Variants in CNTN4 observed in about 807,000 individuals in gnomAD.
CNTN4 encodes the protein contactin 4, also known as contactin-4.
Under a neutral mutation model 122.5 loss-of-function variants are expected in CNTN4, and 77 were observed. The ratio of observed to expected loss-of-function variants is 0.63; its 90% CI spans 0.52 to 0.76. The LOEUF (loss-of-function observed/expected upper bound fraction) is 0.76. Among genes scored for constraint, CNTN4 ranks in the 30% least tolerant of loss-of-function variants. CNTN4 has a pLI of 0.00. For synonymous variants in CNTN4, 512 were observed against 447.0 expected, an observed-to-expected ratio of 1.15 and a Z score of -1.83; for missense variants, 1,256 against 1,259.1, an observed-to-expected ratio of 1.00 and a Z score of 0.04.
intron 2 of CNTN4, among the ~76,000 whole-genome samples, chr3:2,206,420 AATCAAT>A (rs1242574163): frequency 6.6e-6 from 1 of 152,090 alleles, no homozygotes; most frequent in Non-Finnish European, 1.5e-5. Context: ...TAAAACCTAA[AATCAAT>A]ATACATTTGT....
At chr3:2,323,616 A>G (rs377327517) in intron 2 of CNTN4, among the ~76,000 whole-genome samples, 26 of 152,190 alleles carry the variant, frequency 1.7e-4, no homozygotes, top group African/African-American at 5.5e-4. Context: ...AACTAAACAA[A>G]TATCCACCAT....
At chr3:2,757,919 G>A (rs763073595) in intron 6 of CNTN4, among the ~76,000 whole-genome samples, 1 of 152,056 alleles carries the variant, frequency 6.6e-6, no homozygotes, top group Non-Finnish European at 1.5e-5. Flanking sequence ...TGTATTTAGG[G>A]TACACACTAA....
chr3:2,950,285 G>A (rs927481165), intron 13 of CNTN4, among the ~76,000 whole-genome samples: 2 of 151,988 alleles, frequency 1.3e-5, no homozygotes, highest in Admixed American at 1.3e-4. Context: ...GGCTGCCTTT[G>A]TGCAAACTCA....
chr3:2,540,676 A>G (rs1423058492), intron 3 of CNTN4, among the ~76,000 whole-genome samples: 1 of 152,130 alleles, frequency 6.6e-6, no homozygotes, highest in Non-Finnish European at 1.5e-5. Flanking sequence ...CATAAACATA[A>G]TCTTTAAGTA....
At chr3:2,682,491 T>C (rs2085214189) in intron 4 of CNTN4, among the ~76,000 whole-genome samples, 1 of 152,176 alleles carries the variant, frequency 6.6e-6, no homozygotes, top group Admixed American at 6.6e-5. Context: ...TATGGATTCT[T>C]TCTAAGGTAA....
intron 4 of CNTN4, among the ~76,000 whole-genome samples, chr3:2,708,543 T>C (rs1392198099): frequency 2.0e-5 from 3 of 152,132 alleles, no homozygotes; most frequent in African/African-American, 7.2e-5. Context: ...GTGACAAAAC[T>C]GTGAAGTTTT....
At chr3:2,520,211 A>AGTCATGAT (rs2077158816) in intron 3 of CNTN4, among the ~76,000 whole-genome samples, 1 of 148,698 alleles carries the variant, frequency 6.7e-6, no homozygotes, top group Non-Finnish European at 1.5e-5. Context: ...TAAAGTTGCC[A>AGTCATGAT]GTCATGATTT....
chr3:2,334,047 T>C (rs531667888), intron 2 of CNTN4, among the ~76,000 whole-genome samples: 30 of 152,220 alleles, frequency 2.0e-4, no homozygotes, highest in Middle Eastern at 3.2e-3. Flanking sequence ...AGTTGTTAAA[T>C]GGTAACTCTT....
At chr3:3,007,390 C>T (rs371487102) in intron 14 of CNTN4, among the ~76,000 whole-genome samples, 43 of 152,262 alleles carry the variant, frequency 2.8e-4, no homozygotes, top group African/African-American at 9.9e-4. Flanking sequence ...TGTAAGATTA[C>T]CATCATTTCT....
chr3:2,288,243 T>C (rs1177266467), intron 2 of CNTN4, among the ~76,000 whole-genome samples: 1 of 152,198 alleles, frequency 6.6e-6, no homozygotes, highest in Non-Finnish European at 1.5e-5. Context: ...CTGCAGGTTG[T>C]ACAAGAATTA....
chr3:2,618,069 T>G (rs2081842674), intron 4 of CNTN4, among the ~76,000 whole-genome samples: 2 of 152,108 alleles, frequency 1.3e-5, no homozygotes, highest in African/African-American at 2.4e-5. Context: ...CTTAGGACAG[T>G]GCCTTAAACA....
chr3:2,827,048 G>A (rs1380396139), intron 7 of CNTN4, among the ~76,000 whole-genome samples: 4 of 152,096 alleles, frequency 2.6e-5, no homozygotes, highest in African/African-American at 9.7e-5. Flanking sequence ...TATTGCTTAA[G>A]TCTAGGAAGT....
chr3:2,829,452 T>A (rs2093055603), intron 7 of CNTN4, among the ~76,000 whole-genome samples: 1 of 152,046 alleles, frequency 6.6e-6, no homozygotes, highest in Non-Finnish European at 1.5e-5. Flanking sequence ...ATCATTTAGC[T>A]CAAAGAAAGA....
intron 8 of CNTN4, among the ~76,000 whole-genome samples, chr3:2,879,184 A>G (rs2093879297): frequency 6.6e-6 from 1 of 152,158 alleles, no homozygotes; most frequent in African/African-American, 2.4e-5. Context: ...TAAGAACACA[A>G]TGGGAAGACA....
At chr3:2,816,246 C>T (rs979321198) in intron 6 of CNTN4, among the ~76,000 whole-genome samples, 2 of 147,470 alleles carry the variant, frequency 1.4e-5, no homozygotes, top group African/African-American at 2.7e-5. Context: ...CCCAGCTACT[C>T]GGGAGGCTGA....
chr3:3,028,282 T>C (rs1698896540), intron 15 of CNTN4, among the ~76,000 whole-genome samples: 1 of 152,166 alleles, frequency 6.6e-6, no homozygotes, highest in East Asian at 1.9e-4. Flanking sequence ...GCAGATGCTG[T>C]TGTTTTCTTT....
chr3:2,753,983 A>G (rs908866369), intron 6 of CNTN4, among the ~76,000 whole-genome samples: 2 of 152,168 alleles, frequency 1.3e-5, no homozygotes, highest in African/African-American at 2.4e-5. Flanking sequence ...GCAGATTTCC[A>G]ATTTATTGCA....
rs553278489 is a variant in CNTN4 at position 2,479,749 on chromosome 3, C to T, written c.-88-91667C>T. Reference sequence around the variant, plus strand: ...CCGCTGTTCTTCATGGCTCTGAGTCCATTCTTTGGATTTGGACGGGTGAGC... The same window carrying T: ...CCGCTGTTCTTCATGGCTCTGAGTCTATTCTTTGGATTTGGACGGGTGAGC... On this transcript the variant is annotated intron_variant, in intron 3 of 24. Transcript: ENST00000418658. Among the ~76,000 whole-genome samples, 5 of 152,238 alleles carry T rather than the reference C, an allele frequency of 3.3e-5. No homozygotes were observed. In the South Asian group the frequency reaches 1.0e-3, roughly 32 times the overall value.
chr3:2,947,139 A>C (rs879364737), intron 13 of CNTN4, among the ~76,000 whole-genome samples: 2 of 152,168 alleles, frequency 1.3e-5, no homozygotes, highest in Non-Finnish European at 2.9e-5. Context: ...GCTGCTTATC[A>C]TTGTTTTCGC....
Sources: gnomAD v4.1 joint callset for allele counts (sites outside exome capture counted in the v4.1 genomes callset) on GRCh38, gnomAD v4.1.1 for gene constraint, MANE v1.5 for transcripts, NCBI Gene and HGNC (gene_info 2026-07-23, HGNC 2026-07-21) for gene names.